HPSE: variants seen among roughly 807,000 people sequenced by gnomAD.
HPSE encodes heparanase, also known as endo-glucoronidase.
HPSE carries 48 observed loss-of-function variants against 65.1 expected under a neutral mutation model. The observed-to-expected ratio is 0.74, with a 90% CI of 0.58 to 0.94. The LOEUF is 0.94. Among genes scored for constraint, HPSE ranks in the 40% least tolerant of loss-of-function variants. HPSE has a pLI of 0.00. For missense variants in HPSE, 644 were observed against 637.5 expected, an observed-to-expected ratio of 1.01 and a Z score of -0.11; for synonymous variants, 243 against 260.0, an observed-to-expected ratio of 0.93 and a Z score of 0.63.
chr4:83,334,059 C>T (rs1406796384), intron 1 of HPSE, among the ~76,000 whole-genome samples: 2 of 152,092 alleles, frequency 1.3e-5, no homozygotes, highest in African/African-American at 2.4e-5. Flanking sequence ...TTTCAAATTT[C>T]CACTTATACC....
intron 11 of HPSE, among the ~76,000 whole-genome samples, chr4:83,296,885 G>A (rs1441278540): frequency 6.6e-6 from 1 of 151,972 alleles, no homozygotes; most frequent in African/African-American, 2.4e-5. Flanking sequence ...TAAATATTTT[G>A]ATGTATATTC....
At position 83,300,951 on chromosome 4, in the gene HPSE, A is replaced by G. The variant is rs1419406721; in HGVS notation, c.1472+9T>C. Reference sequence around the variant, plus strand: ...TGAAAGTTTGGAATGAACAAGGAAAATTACTTACTTGGAAAGTAATCCATG... The same window carrying G: ...TGAAAGTTTGGAATGAACAAGGAAAGTTACTTACTTGGAAAGTAATCCATG... On this transcript the variant is annotated intron_variant, in intron 11 of 11. Coordinates refer to ENST00000311412, the MANE Select transcript of HPSE (RefSeq NM_001098540.3). 15 of 1,572,108 alleles carry G rather than the reference A, an allele frequency of 9.5e-6. No homozygotes were observed. The Admixed American group carries it at 1.1e-4, about 12-fold the overall frequency.
chr4:83,322,499 T>G, intron 1 of HPSE, 135 bp from the exon 2 acceptor site: 1 of 740,924 alleles, frequency 1.3e-6, no homozygotes, highest in Non-Finnish European at 2.1e-6. Flanking sequence ...GAAATCACAT[T>G]GTTTTGTTTT....
chr4:83,327,534 G>A (rs1181204511), intron 1 of HPSE, among the ~76,000 whole-genome samples: 1 of 152,044 alleles, frequency 6.6e-6, no homozygotes, highest in East Asian at 1.9e-4. Flanking sequence ...ACAGTGACAT[G>A]GAAATAACAG....
chr4:83,320,913 A>C (rs1471238186), intron 2 of HPSE, among the ~76,000 whole-genome samples: 2 of 148,888 alleles, frequency 1.3e-5, no homozygotes, highest in African/African-American at 4.9e-5. Flanking sequence ...GTCTAAATAG[A>C]AACTAGGTTG....
At chr4:83,300,170 T>C (rs565829742) in intron 11 of HPSE, among the ~76,000 whole-genome samples, 1 of 152,352 alleles carries the variant, frequency 6.6e-6, no homozygotes, top group South Asian at 2.1e-4. Flanking sequence ...TAGTCAATAA[T>C]TGGTTTTTGA....
intron 2 of HPSE, among the ~76,000 whole-genome samples, chr4:83,319,976 C>G (rs760828253): frequency 6.8e-6 from 1 of 146,512 alleles, no homozygotes; most frequent in East Asian, 2.0e-4. Flanking sequence ...GCCGAGATCA[C>G]GTCACTGCAC....
rs374470303 is a variant in HPSE, at chr4:83,310,904, A to G, written c.674-14T>C. On this transcript the variant is annotated splice_polypyrimidine_tract_variant and intron_variant, in intron 4 of 11. Transcript: ENST00000311412. ...AACTGTTAGGTTCTGAAAGACAGCAATTCTCAAAATATATATCGAGAAATG... is the reference window on the plus strand; with the variant it reads ...AACTGTTAGGTTCTGAAAGACAGCAGTTCTCAAAATATATATCGAGAAATG... 1.3e-6 allele frequency: 2 copies of G among 1,588,532 alleles called. No homozygotes were observed. The highest frequency in any genetic ancestry group is 1.1e-5 in the South Asian group (1 of 89,796).
In HPSE at chr4:83,310,718, C is replaced by T. The variant is rs1736333261; in HGVS notation, c.842+4G>A. ...AAAGTGATTCTGCATCCTCTAGTTC[C>T]TACCTCTTCAGCATCTTAGCCGTCT... On this transcript the variant is annotated splice_donor_region_variant and intron_variant, in intron 5 of 11. Coordinates refer to ENST00000311412, the MANE Select transcript of HPSE (RefSeq NM_001098540.3). 1.2e-6 allele frequency: 2 copies of T among 1,608,734 alleles called. No individual in the cohort carries two copies. Among genetic ancestry groups the T allele is most frequent in the Non-Finnish European group, 1.7e-6 (2 of 1,178,016 alleles).
In HPSE at chr4:83,309,412, T is replaced by C. The variant is rs751596196; in HGVS notation, c.974A>G (p.Lys325Arg). The C allele has an allele frequency of 6.4e-7, 1 of 1,566,524 alleles. No individual in the cohort carries two copies. The highest frequency in any genetic ancestry group is 8.7e-7 in the Non-Finnish European group (1 of 1,146,226). Residue 325 changes from lysine to arginine, a missense_variant, in exon 7 of 12, where the codon AAA becomes AGA. Physicochemically the swap from Lys to Arg is conservative, Grantham distance 26 (BLOSUM62 2). Coordinates refer to ENST00000311412, the MANE Select transcript of HPSE (RefSeq NM_001098540.3). ...VLDIFISSVQ[K>R]VFQVVESTRP... ...TAAAAAGACTATTACCTGGAAAACT[T>C]TTTGCACAGATGAAATAAAAATGTC...
At chr4:83,325,080 T>G (rs1737090902) in intron 1 of HPSE, among the ~76,000 whole-genome samples, 1 of 152,114 alleles carries the variant, frequency 6.6e-6, no homozygotes, top group Non-Finnish European at 1.5e-5. Context: ...CTTTCCTGTA[T>G]TTTACAAGTG....
Position 83,309,480 on chromosome 4 carries a change from TC to T in HPSE, c.905del (p.Gly302AspfsTer10). On this transcript the variant is annotated frameshift_variant, in exon 7 of 12. Coordinates refer to ENST00000311412, the MANE Select transcript of HPSE (RefSeq NM_001098540.3). LOFTEE classifies it high-confidence loss of function. ...GAAAATCTTCCTTGGTAGCAGTCCG[TC>T]CATTCAAATAGTAGCTAAATTACAC... ...SVTWHHYYLN[G>X]RTATKEDFLN... The T allele has an allele frequency of 6.5e-7, 1 of 1,534,164 alleles. No individual in the cohort carries two copies. Among genetic ancestry groups the T allele is most frequent in the Non-Finnish European group, 9.0e-7 (1 of 1,115,720 alleles).
rs1489228281 is a variant in HPSE, at chr4:83,308,901, G to C, written c.1035C>G (p.Ser345Arg). The change falls in exon 8 of 12, where the codon AGC becomes AGG. Residue 345 changes from serine (S) to arginine (R), a missense_variant. Transcript: ENST00000311412. ...PGKKVWLGET[S>R]SAYGGGAPLL... ...AGGGCGCTCCGCCTCCATATGCAGA[G>C]CTTGTTTCTCCTAACCAGACCTTCT... The C allele has an allele frequency of 1.2e-6, 2 of 1,614,074 alleles. No individual in the cohort carries two copies. The highest frequency in any genetic ancestry group is 1.7e-6 in the Non-Finnish European group (2 of 1,180,050).
In HPSE at chr4:83,333,287, C is replaced by T. The variant is rs72938137; in HGVS notation, c.227+1269G>A. ...CTCGGGCAATAATCCTTGAGGCAAG[C>T]TTGAGAAATTCCATTCTACAGCTGA... On this transcript the variant is annotated intron_variant, in intron 1 of 11. Transcript: ENST00000311412. Among the ~76,000 whole-genome samples the T allele has an allele frequency of 1.8e-3, 277 of 152,292 alleles. 2 individuals are homozygous for T. Among genetic ancestry groups the T allele is most frequent in the African/African-American group, 6.6e-3 (273 of 41,554 alleles).
Position 83,302,152 on chromosome 4 carries a change from G to A in HPSE, c.1323C>T (p.Asp441=), listed in dbSNP as rs1425931763. 5 of 1,598,582 alleles carry A rather than the reference G, an allele frequency of 3.1e-6. No homozygotes were observed. The East Asian group carries it at 1.1e-4, about 36-fold the overall frequency. ...LRVYLHCTNT[D]NPRYKEGDLT... ...TAAAGGGTGTGTTTCATACTTACTT[G>A]TCAGTGTTTGTGCAATGAAGGTATA... The change falls in exon 10 of 12, where the codon GAC becomes GAT. Residue 441 remains aspartate, a splice_region_variant and synonymous_variant. Coordinates refer to ENST00000311412, the MANE Select transcript of HPSE (RefSeq NM_001098540.3).
At chr4:83,312,841 CAAAAAAAAAAAAAAAAAAA>C (rs1200808673) in intron 4 of HPSE, among the ~76,000 whole-genome samples, 2 of 10,990 alleles carry the variant, frequency 1.8e-4, no homozygotes, top group East Asian at 3.1e-3. Context: ...ACTAAAAATG[CAAAAAAAAAAAAAAAAAAA>C]AAAAAAAAAA....
intron 1 of HPSE, among the ~76,000 whole-genome samples, chr4:83,323,402 G>A (rs1737003819): frequency 6.6e-6 from 1 of 152,070 alleles, no homozygotes; most frequent in Non-Finnish European, 1.5e-5. Flanking sequence ...TAATGAGGGA[G>A]GCTATGCATG....
chr4:83,310,595 C>T (rs746724240), intron 5 of HPSE, 127 bp downstream of exon 5: 31 of 794,726 alleles, frequency 3.9e-5, no homozygotes, highest in Non-Finnish European at 5.5e-5. Context: ...TTGCTTGAGC[C>T]TGGGAGGTCG....
intron 11 of HPSE, among the ~76,000 whole-genome samples, chr4:83,297,904 C>T (rs1379450996): frequency 1.3e-5 from 2 of 152,124 alleles, no homozygotes; most frequent in African/African-American, 4.8e-5. Context: ...AAGAAACTTG[C>T]AAGAGTACAC....
Sources: gnomAD v4.1 joint callset for allele counts (sites outside exome capture counted in the v4.1 genomes callset) on GRCh38, gnomAD v4.1.1 for gene constraint, MANE v1.5 for transcripts, NCBI Gene and HGNC (gene_info 2026-07-23, HGNC 2026-07-21) for gene names.